The following CRNKL1 variants were observed in gnomAD, a reference collection of about 807,000 sequenced individuals.
CRNKL1 encodes crooked neck pre-mRNA splicing factor 1.
In CRNKL1, 35 loss-of-function variants were observed where a neutral mutation model predicts 103.7. The ratio of observed to expected loss-of-function variants is 0.34; its 90% CI spans 0.26 to 0.45. The LOEUF (loss-of-function observed/expected upper bound fraction) is 0.45, where lower values mean the gene tolerates loss of function less well. Ranked by LOEUF, CRNKL1 falls within the 20% of genes least tolerant of loss-of-function variation. The pLI, the probability that CRNKL1 is intolerant of heterozygous loss-of-function variation, is 1.00. For synonymous variants in CRNKL1, 267 were observed against 282.6 expected (o/e 0.94, Z 0.55); for missense variants, 645 against 836.0 (o/e 0.77, Z 2.82).
chr20:20,043,281 G>C (rs939087114), intron 7 of CRNKL1, among the ~76,000 whole-genome samples: 4 of 152,184 alleles, frequency 2.6e-5, no homozygotes, highest in Non-Finnish European at 5.9e-5. Flanking sequence ...ACATGTAAGT[G>C]GCAGAGCAAA....
chr20:20,051,059 A>G (rs979330591), intron 1 of CRNKL1, among the ~76,000 whole-genome samples: 15 of 152,202 alleles, frequency 9.9e-5, no homozygotes, highest in Non-Finnish European at 2.1e-4. Context: ...ATGGCACTTC[A>G]AGTCAAAGGC....
Position 20,049,358 on chromosome 20 carries a change from C to G in CRNKL1, c.278G>C (p.Ser93Thr), listed in dbSNP as rs751026217. The change falls in exon 3 of 14, where the codon AGC becomes ACC. Residue 93 changes from serine to threonine, a missense_variant. Physicochemically the swap from Ser to Thr is moderately conservative, Grantham distance 58 (BLOSUM62 1). Coordinates refer to ENST00000536226, the MANE Select transcript of CRNKL1 (RefSeq NM_001278628.2). ...NWIKYAQWEESLKEIQRARSI... is the reference protein window; with the variant it reads ...NWIKYAQWEETLKEIQRARSI... ...ATTTTACCTTTGAATCTCCTTTAGG[C>G]TTTCTTCCCATTGTGCGTATTTTAT... 2 of 1,582,368 alleles carry G rather than the reference C, an allele frequency of 1.3e-6. No individual in the cohort carries two copies. The highest frequency in any genetic ancestry group is 2.7e-5 in the African/African-American group (2 of 74,166).
rs1263223288 is a variant in CRNKL1, at chr20:20,041,704, A to G, written c.1165-79T>C. The G allele has an allele frequency of 4.7e-6, 5 of 1,053,980 alleles. 1 individual carries two copies. In the South Asian group the frequency reaches 6.5e-5, roughly 14 times the overall value. 65.3% of individuals were successfully genotyped at this position (1,053,980 alleles called of 1,614,324 possible). ...ATTTTACTAGTTACTAATTTTACTG[A>G]TATTGGTAAAAATGTACACCCCCAA... is the stretch of plus-strand genomic sequence containing the variant. On this transcript the variant is annotated intron_variant, in intron 8 of 13. Coordinates refer to ENST00000536226, the MANE Select transcript of CRNKL1 (RefSeq NM_001278628.2).
At chr20:20,047,618 C>T (rs771306743) in intron 5 of CRNKL1, 147 bp downstream of exon 5, 21 of 694,646 alleles carry the variant, frequency 3.0e-5, no homozygotes, top group Non-Finnish European at 4.4e-5. Flanking sequence ...TCTTTCCCTA[C>T]AAAACATAGG....
intron 5 of CRNKL1, among the ~76,000 whole-genome samples, chr20:20,047,482 A>C (rs1287872181): frequency 6.6e-6 from 1 of 152,192 alleles, no homozygotes; most frequent in Non-Finnish European, 1.5e-5. Context: ...AGTTCCTGGA[A>C]ACAATCCCCC....
At chr20:20,049,714 T>C (rs539563573) in intron 2 of CRNKL1, among the ~76,000 whole-genome samples, 1 of 152,348 alleles carries the variant, frequency 6.6e-6, no homozygotes, top group African/African-American at 2.4e-5. Context: ...ACAGCATTAG[T>C]GCTTTAAAAC....
At chr20:20,044,436 T>C (rs911754313) in intron 6 of CRNKL1, among the ~76,000 whole-genome samples, 1 of 152,332 alleles carries the variant, frequency 6.6e-6, no homozygotes. Context: ...AGTTTGGGAA[T>C]ATTTGCATTA....
chr20:20,046,864 G>A (rs1326530614), intron 5 of CRNKL1, among the ~76,000 whole-genome samples: 1 of 152,200 alleles, frequency 6.6e-6, no homozygotes, highest in African/African-American at 2.4e-5. Context: ...CTGTGAAAGT[G>A]CCACAATTAC....
chr20:20,052,585 G>A (rs752125657), upstream of CRNKL1: 31 of 1,613,726 alleles, frequency 1.9e-5, no homozygotes, highest in Non-Finnish European at 2.5e-5. Context: ...CTGGAGCTGC[G>A]GATGAGGTGG....
chr20:20,040,839 A>C, intron 9 of CRNKL1, 73 bp from the exon 10 acceptor site: 3 of 1,063,838 alleles, frequency 2.8e-6, no homozygotes, highest in Non-Finnish European at 4.2e-6. Flanking sequence ...AATTAATTTA[A>C]ATTAACCAAA....
chr20:20,046,286 G>A (rs868462470), intron 5 of CRNKL1, among the ~76,000 whole-genome samples: 1 of 152,180 alleles, frequency 6.6e-6, no homozygotes, highest in Non-Finnish European at 1.5e-5. Flanking sequence ...AGGATGTTAT[G>A]AGGATTAAAC....
rs2146478813 is a variant in CRNKL1 at position 20,036,237 on chromosome 20, A to C, written c.2022T>G (p.Ala674=). Residue 674 remains alanine, a synonymous_variant, in exon 14 of 14, where the codon GCT becomes GCG. Transcript: ENST00000536226. The stretch of plus-strand genomic sequence containing the variant: ...CGACGTCCTCATCTGGATGGTGCTC[A>C]GCATCCTCCTTTTCCTGCTGCTGTT... ...WKKQQQEKED[A]EHHPDEDVDE... is the part of the protein sequence containing the mutation. 1.2e-6 allele frequency: 2 copies of C among 1,614,212 alleles called. No individual in the cohort carries two copies. The highest frequency in any genetic ancestry group is 4.5e-5 in the East Asian group (2 of 44,886).
At chr20:20,052,763 A>G (rs758641008), upstream of CRNKL1, 9 of 1,548,918 alleles carry the variant, frequency 5.8e-6, no homozygotes, top group South Asian at 5.9e-5. Context: ...TGGATGCTCG[A>G]GGGCGGGGGA....
rs778587748 is a variant in CRNKL1, at chr20:20,045,938, G to A, written c.623-452C>T. On this transcript the variant is annotated intron_variant, in intron 5 of 13. Coordinates refer to ENST00000536226, the MANE Select transcript of CRNKL1 (RefSeq NM_001278628.2). ...GCCAAAAGAACATGGCACCGTAAGC[G>A]GTCAATAATGGTCTGGTCATTAAAT... Among the ~76,000 whole-genome samples the A allele has an allele frequency of 1.1e-4, 16 of 152,182 alleles. 1 individual carries two copies. The highest frequency in any genetic ancestry group is 4.1e-4 in the South Asian group (2 of 4,822).
At position 20,049,421 on chromosome 20, in the gene CRNKL1, T is replaced by C. The variant is rs1568764594; in HGVS notation, c.215A>G (p.Asp72Gly). 1 of 1,583,038 alleles carries C rather than the reference T, an allele frequency of 6.3e-7. No homozygotes were observed. The change falls in exon 3 of 14, where the codon GAT becomes GGT. Residue 72 changes from aspartate to glycine, a missense_variant. This residue lies in a region of CRNKL1 where 63 missense variants were observed against 128.3 expected (regional missense o/e 0.49). Coordinates refer to ENST00000536226, the MANE Select transcript of CRNKL1 (RefSeq NM_001278628.2). The part of the protein sequence containing the change: ...YKLRKRKTFE[D>G]NIRKNRTVIS... ...CACAGTCCTGTTTTTTCTTATATTA[T>C]CTTCAAAAGTCTGGAAGAAGGCAAA...
At position 20,047,080 on chromosome 20, in the gene CRNKL1, G is replaced by A. The variant is rs533536604; in HGVS notation, c.622+685C>T. 2.6e-5 allele frequency among the ~76,000 whole-genome samples: 4 copies of A among 152,222 alleles called. No individual in the cohort carries two copies. The East Asian group carries it at 7.7e-4, about 29-fold the overall frequency. ...CTCAAAGGAGTTAAATGACTCTCTG[G>A]AGCCACACAGCTAGTAAACAGTAAA... On this transcript the variant is annotated intron_variant, in intron 5 of 13. Transcript: ENST00000536226.
At position 20,050,553 on chromosome 20, in the gene CRNKL1, C is replaced by G; in HGVS notation, c.121G>C (p.Glu41Gln). The G allele has an allele frequency of 6.2e-7, 1 of 1,613,864 alleles. No homozygotes were observed. The highest frequency in any genetic ancestry group is 1.3e-5 in the African/African-American group (1 of 75,044). The change falls in exon 2 of 14, where the codon GAA becomes CAA. Residue 41 changes from glutamate to glutamine, a missense_variant. Physicochemically the swap from Glu to Gln is conservative, Grantham distance 29. Around this residue, in one of 2 missense-constraint regions of CRNKL1, gnomAD observed 63 missense variants for 128.3 expected, o/e 0.49. Transcript: ENST00000536226. ...EQLLREAKER[E>Q]LELLPPPPQQ... ...GGTGGAGGTGGAAGAAGCTCAAGTT[C>G]TCTTTCTTTAGCCTCTCTTAAGAGT...
intron 3 of CRNKL1, 114 bp from the exon 4 acceptor site, chr20:20,048,615 G>A: frequency 1.0e-6 from 1 of 998,238 alleles, no homozygotes; most frequent in African/African-American, 1.6e-5. Flanking sequence ...CATGAGCCAA[G>A]TTCTGGGCAT....
intron 1 of CRNKL1, 95 bp from the exon 2 acceptor site, chr20:20,050,717 G>C: frequency 4.4e-6 from 5 of 1,142,470 alleles, no homozygotes; most frequent in Non-Finnish European, 4.8e-6. Context: ...AACTTTGTTA[G>C]TATTATCACA....
Sources: gnomAD v4.1 joint callset for allele counts (sites outside exome capture counted in the v4.1 genomes callset) on GRCh38, gnomAD v4.1.1 for gene constraint, gnomAD v4.1.1 regional missense constraint, MANE v1.5 for transcripts, NCBI Gene and HGNC (gene_info 2026-07-23, HGNC 2026-07-21) for gene names.